Variants in RBPMS observed in about 807,000 individuals in gnomAD.
RBPMS encodes RNA-binding protein with multiple splicing.
A neutral mutation model predicts 26.8 loss-of-function variants in RBPMS; 7 were observed. That is an observed-to-expected ratio of 0.26 (90% CI 0.15 to 0.49). The LOEUF is 0.49. RBPMS is among the 20% of genes least tolerant of loss of function. RBPMS has a pLI of 0.98. For missense variants in RBPMS, 186 were observed against 250.0 expected (o/e 0.74, Z 1.73); for synonymous variants, 96 against 93.3 (o/e 1.03, Z -0.17).
At chr8:30,508,598 C>G (rs1821289497) in intron 5 of RBPMS, among the ~76,000 whole-genome samples, 1 of 151,780 alleles carries the variant, frequency 6.6e-6, no homozygotes, top group Admixed American at 6.6e-5. Context: ...TACTCAGCAT[C>G]TCACATCTAT....
chr8:30,534,233 C>A (rs1448461804), intron 5 of RBPMS, among the ~76,000 whole-genome samples: 2 of 152,134 alleles, frequency 1.3e-5, no homozygotes, highest in Non-Finnish European at 2.9e-5. Flanking sequence ...GAAACAGATT[C>A]TTTAGATTTG....
intron 4 of RBPMS, among the ~76,000 whole-genome samples, chr8:30,487,782 A>T (rs1444331415): frequency 6.6e-6 from 1 of 152,164 alleles, no homozygotes; most frequent in Non-Finnish European, 1.5e-5. Flanking sequence ...AGATAATAAA[A>T]TCTGTTAAAG....
chr8:30,547,565 G>A (rs768576000), intron 6 of RBPMS: 32 of 1,257,368 alleles, frequency 2.5e-5, no homozygotes, highest in Non-Finnish European at 3.1e-5. Flanking sequence ...TGCAATTTTG[G>A]AGCAAAGGTG....
At chr8:30,410,153 C>CACAT (rs1809167265) in intron 1 of RBPMS, among the ~76,000 whole-genome samples, 1 of 136,410 alleles carries the variant, frequency 7.3e-6, no homozygotes, top group African/African-American at 3.3e-5. Flanking sequence ...TACACACACA[C>CACAT]ACACACACAC....
intron 2 of RBPMS, among the ~76,000 whole-genome samples, chr8:30,477,558 A>G (rs967683431): frequency 2.0e-5 from 3 of 152,194 alleles, no homozygotes; most frequent in Non-Finnish European, 4.4e-5. Flanking sequence ...TGAAAAAAAA[A>G]TAGAAGGAAG....
chr8:30,565,225 A>G (rs1260563439), intron 7 of RBPMS: 8 of 152,222 alleles, frequency 5.3e-5, no homozygotes, highest in African/African-American at 1.9e-4. Flanking sequence ...AAATCTGAGG[A>G]GAGAGATGTC....
At chr8:30,448,086 A>C (rs1444207066) in intron 1 of RBPMS, among the ~76,000 whole-genome samples, 3 of 152,258 alleles carry the variant, frequency 2.0e-5, no homozygotes, top group African/African-American at 7.2e-5. Context: ...AAGCAAATAA[A>C]CAAAAATTAT....
chr8:30,446,854 C>CACAT (rs113940653), intron 1 of RBPMS: 1 of 138,010 alleles, frequency 7.2e-6, no homozygotes, highest in Non-Finnish European at 1.5e-5. Flanking sequence ...CGCGCGCGCG[C>CACAT]GCGCGGTGGA....
intron 5 of RBPMS, among the ~76,000 whole-genome samples, chr8:30,523,878 TTTAACTTTTTG>T (rs1823310020): frequency 6.6e-6 from 1 of 152,192 alleles, no homozygotes; most frequent in Non-Finnish European, 1.5e-5. Flanking sequence ...TCATTTTTCC[TTTAACTTTTTG>T]TTATGGAAAA....
chr8:30,425,409 C>T (rs1348489488), intron 1 of RBPMS, among the ~76,000 whole-genome samples: 1 of 150,932 alleles, frequency 6.6e-6, no homozygotes, highest in Non-Finnish European at 1.5e-5. Flanking sequence ...ATTTTAATTT[C>T]TTTTTTTTGA....
At chr8:30,550,096 C>T (rs372557406) in intron 6 of RBPMS, among the ~76,000 whole-genome samples, 12 of 152,086 alleles carry the variant, frequency 7.9e-5, no homozygotes, top group Non-Finnish European at 1.3e-4. Context: ...ATGATCTGCC[C>T]GCCTTGGCCT....
At chr8:30,562,106 G>A (rs764713133) in intron 7 of RBPMS, 29 of 896,890 alleles carry the variant, frequency 3.2e-5, no homozygotes, top group South Asian at 5.1e-5. Flanking sequence ...TGAGGCAGGC[G>A]GATCACTTGA....
At chr8:30,524,133 T>C (rs1302259336) in intron 5 of RBPMS, among the ~76,000 whole-genome samples, 1 of 152,152 alleles carries the variant, frequency 6.6e-6, no homozygotes, top group African/African-American at 2.4e-5. Flanking sequence ...ATATATTTTT[T>C]ATCTTGCAAG....
At chr8:30,518,886 C>A (rs1352288435) in intron 5 of RBPMS, among the ~76,000 whole-genome samples, 1 of 151,398 alleles carries the variant, frequency 6.6e-6, no homozygotes, top group Admixed American at 6.6e-5. Context: ...ACACCTCACA[C>A]CCTGAGCAGG....
At chr8:30,426,461 A>G (rs1054265711) in intron 1 of RBPMS, among the ~76,000 whole-genome samples, 2 of 152,148 alleles carry the variant, frequency 1.3e-5, no homozygotes, top group African/African-American at 4.8e-5. Context: ...TTACAAATTG[A>G]AGGGTGAATG....
intron 4 of RBPMS, among the ~76,000 whole-genome samples, chr8:30,483,265 T>C (rs1818460258): frequency 1.3e-5 from 2 of 152,220 alleles, no homozygotes; most frequent in South Asian, 4.1e-4. Context: ...CTTTAGTATA[T>C]GTGCCATTCA....
At chr8:30,490,512 T>C (rs143695846) in intron 4 of RBPMS, among the ~76,000 whole-genome samples, 10 of 152,054 alleles carry the variant, frequency 6.6e-5, no homozygotes, top group African/African-American at 1.9e-4. Flanking sequence ...CAGGCTGGAG[T>C]GCAATGGTGC....
rs1450183357 is a variant in RBPMS, at chr8:30,511,477, AAAAAAAAAAATATATATATAT to A, written c.397+7043_397+7063del. On this transcript the variant is annotated intron_variant, in intron 5 of 8. Coordinates refer to ENST00000397323, the MANE Select transcript of RBPMS (RefSeq NM_001008710.3). ...TCTCTTTAAAACAAAAAAAGAAAAA[AAAAAAAAAAATATATATATAT>A]ATATATATATATATATATATATATA... Among the ~76,000 whole-genome samples, 34 of 7,388 alleles carry A rather than the reference AAAAAAAAAAATATATATATAT, an allele frequency of 4.6e-3. 1 individual carries two copies. Among genetic ancestry groups the A allele is most frequent in the Non-Finnish European group, 8.1e-3 (23 of 2,848 alleles). The allele number at this position is 7,388 out of a possible 152,430, so 4.8% of individuals were successfully genotyped here. A position where few individuals can be genotyped will look rare whatever the true frequency, so the allele number is the denominator to read the frequency against.
chr8:30,529,123 G>A (rs1050805218), intron 5 of RBPMS, among the ~76,000 whole-genome samples: 10 of 152,004 alleles, frequency 6.6e-5, no homozygotes, highest in Admixed American at 6.6e-5. Context: ...AGGAGGCTGA[G>A]CGGGAAAATC....
Sources: gnomAD v4.1 joint callset for allele counts (sites outside exome capture counted in the v4.1 genomes callset) on GRCh38, gnomAD v4.1.1 for gene constraint, MANE v1.5 for transcripts, NCBI Gene and HGNC (gene_info 2026-07-23, HGNC 2026-07-21) for gene names.